Variants in CFI observed in about 807,000 individuals in gnomAD.
CFI encodes complement factor I.
In CFI, 66 loss-of-function variants were observed where a neutral mutation model predicts 78.8. The ratio of observed to expected loss-of-function variants is 0.84; its 90% CI spans 0.69 to 1.03. The LOEUF is 1.03. Among genes scored for constraint, CFI ranks in the 50% least tolerant of loss-of-function variants. CFI has a pLI of 0.00. For missense variants in CFI, 706 were observed against 704.5 expected, an observed-to-expected ratio of 1.00 and a Z score of -0.02; for synonymous variants, 250 against 232.6, an observed-to-expected ratio of 1.07 and a Z score of -0.68.
chr4:109,757,523 G>A (rs1466718651), intron 7 of CFI, among the ~76,000 whole-genome samples: 1 of 152,158 alleles, frequency 6.6e-6, no homozygotes, highest in Non-Finnish European at 1.5e-5. Flanking sequence ...AAGGTGAAAT[G>A]TGCAGGGAAG....
intron 1 of CFI, among the ~76,000 whole-genome samples, chr4:109,770,595 G>T (rs1365545317): frequency 7.1e-6 from 1 of 140,970 alleles, no homozygotes; most frequent in African/African-American, 2.6e-5. Flanking sequence ...CGCTTTACTG[G>T]TTTTGCCATT....
rs9991131 is a variant in CFI, at chr4:109,759,984, A to C, written c.883+286T>G. 6.4e-3 allele frequency: 3,432 copies of C among 538,448 alleles called. 86 individuals are homozygous for C. The highest frequency in any genetic ancestry group is 0.056 in the African/African-American group (2,975 of 52,774). The allele number at this position is 538,448 out of a possible 1,614,324, so 33.4% of individuals were successfully genotyped here. A position where few individuals can be genotyped will look rare whatever the true frequency, so the allele number is the denominator to read the frequency against. ...AGATAAGCAAGATTGGCAAACTATC[A>C]ATAACTTGCAGGTGGAAAATGGGTA... On this transcript the variant is annotated intron_variant, in intron 6 of 12. Coordinates refer to ENST00000394634, the MANE Select transcript of CFI (RefSeq NM_000204.5).
chr4:109,776,403 G>T (rs923938341), intron 1 of CFI, among the ~76,000 whole-genome samples: 1 of 152,166 alleles, frequency 6.6e-6, no homozygotes, highest in Non-Finnish European at 1.5e-5. Flanking sequence ...GAAATGAAGC[G>T]AGAAGAGACG....
At position 109,741,124 on chromosome 4, in the gene CFI, G is replaced by A; in HGVS notation, c.1535-14C>T. The A allele has an allele frequency of 6.2e-7, 1 of 1,613,834 alleles. No individual in the cohort carries two copies. The highest frequency in any genetic ancestry group is 8.5e-7 in the Non-Finnish European group (1 of 1,179,870). On this transcript the variant is annotated splice_polypyrimidine_tract_variant and intron_variant, in intron 12 of 12. Coordinates refer to ENST00000394634, the MANE Select transcript of CFI (RefSeq NM_000204.5). ...CATCATATGTACCTAAGAAAGAAAT[G>A]TGAAAGAGAAAATCACACATTTCCT... is the stretch of plus-strand genomic sequence containing the variant.
chr4:109,758,193 C>T (rs1726564685), intron 6 of CFI, among the ~76,000 whole-genome samples: 1 of 151,506 alleles, frequency 6.6e-6, no homozygotes, highest in African/African-American at 2.4e-5. Flanking sequence ...TGCAGTGGCT[C>T]ATGCCTGTAA....
intron 10 of CFI, among the ~76,000 whole-genome samples, chr4:109,748,584 A>G (rs1229310817): frequency 6.6e-6 from 1 of 152,184 alleles, no homozygotes; most frequent in Non-Finnish European, 1.5e-5. Flanking sequence ...GAAAAGGGTA[A>G]GGAAGATCAT....
chr4:109,770,628 G>T (rs1335630616), intron 1 of CFI, among the ~76,000 whole-genome samples: 1 of 106,202 alleles, frequency 9.4e-6, no homozygotes, highest in African/African-American at 3.7e-5. Context: ...TATGAACACA[G>T]ACCAGAAAAA....
intron 1 of CFI, among the ~76,000 whole-genome samples, chr4:109,772,424 A>G (rs1728718206): frequency 6.6e-6 from 1 of 152,252 alleles, no homozygotes; most frequent in African/African-American, 2.4e-5. Context: ...TGTTTTGAAT[A>G]TATGTAAATG....
chr4:109,770,404 A>G (rs1244665501), intron 1 of CFI, among the ~76,000 whole-genome samples: 1 of 151,982 alleles, frequency 6.6e-6, no homozygotes, highest in African/African-American at 2.4e-5. Flanking sequence ...TACTAAAAAT[A>G]CAAAAATTAG....
At chr4:109,782,196 C>T (rs1403261461) in intron 1 of CFI, among the ~76,000 whole-genome samples, 2 of 151,772 alleles carry the variant, frequency 1.3e-5, no homozygotes, top group Non-Finnish European at 3.0e-5. Flanking sequence ...ATTTCTTTCT[C>T]TTTATGGGCA....
At chr4:109,787,724 T>C (rs904863277) in intron 1 of CFI, among the ~76,000 whole-genome samples, 5 of 152,018 alleles carry the variant, frequency 3.3e-5, no homozygotes, top group Admixed American at 1.3e-4. Flanking sequence ...ATTTTTAGTC[T>C]CTCTAAAAAA....
rs1194127119 is a variant in CFI at position 109,761,507 on chromosome 4, C to A, written c.658+10G>T. The A allele has an allele frequency of 6.2e-7, 1 of 1,613,650 alleles. No homozygotes were observed. The highest frequency in any genetic ancestry group is 1.3e-5 in the African/African-American group (1 of 74,914). On this transcript the variant is annotated intron_variant, in intron 4 of 12. Coordinates refer to ENST00000394634, the MANE Select transcript of CFI (RefSeq NM_000204.5). Reference sequence around the variant, plus strand: ...AGGAAGGGAAAATAACAGGCAAATACTCCACCAACCTGCTTTCTGTGTATA... The same window carrying A: ...AGGAAGGGAAAATAACAGGCAAATAATCCACCAACCTGCTTTCTGTGTATA...
At chr4:109,756,927 A>AAGAAAGAAAGAAAGAAAG (rs1726309299) in intron 7 of CFI, among the ~76,000 whole-genome samples, 1 of 148,270 alleles carries the variant, frequency 6.7e-6, no homozygotes, top group African/African-American at 2.5e-5. Context: ...GAAAGAAAGA[A>AAGAAAGAAAGAAAGAAAG]AGAAAGAAAG....
At chr4:109,766,422 T>C (rs1256858626) in intron 2 of CFI, 132 bp downstream of exon 2, 1 of 958,462 alleles carries the variant, frequency 1.0e-6, no homozygotes, top group Non-Finnish European at 1.6e-6. Flanking sequence ...ACTCCAATTA[T>C]TATTGAGAGT....
At chr4:109,787,035 A>G (rs996695537) in intron 1 of CFI, among the ~76,000 whole-genome samples, 4 of 152,038 alleles carry the variant, frequency 2.6e-5, no homozygotes, top group African/African-American at 9.7e-5. Flanking sequence ...GCTAGCACAG[A>G]CATAAAAAGA....
chr4:109,757,074 G>C (rs928521220), intron 7 of CFI, among the ~76,000 whole-genome samples: 1 of 151,984 alleles, frequency 6.6e-6, no homozygotes, highest in African/African-American at 2.4e-5. Flanking sequence ...TGTCGCCCAG[G>C]CTGGAGTGCA....
intron 1 of CFI, among the ~76,000 whole-genome samples, chr4:109,801,218 G>T (rs1732733675): frequency 6.6e-6 from 1 of 152,090 alleles, no homozygotes; most frequent in Admixed American, 6.6e-5. Context: ...CTGATCAAAT[G>T]GATTCATTTA....
At chr4:109,748,600 G>T (rs1277565416) in intron 10 of CFI, among the ~76,000 whole-genome samples, 1 of 152,140 alleles carries the variant, frequency 6.6e-6, no homozygotes, top group Non-Finnish European at 1.5e-5. Context: ...ATCATTTCTG[G>T]CAGGGGAAAC....
At position 109,742,594 on chromosome 4, in the gene CFI, A is replaced by T. The variant is rs370686936; in HGVS notation, c.1431T>A (p.Asp477Glu). ...ACTGAAGTGAAAAGACTCTTTCGTT[A>T]TCTAAACAAAGTGAGAAAGCAAACA... The part of the protein sequence containing the change: ...CIVSGWGREK[D>E]NERVFSLQWG... The change falls in exon 12 of 13, where the codon GAT becomes GAA. Residue 477 changes from aspartate to glutamate, a missense_variant and splice_region_variant. Physicochemically the swap from Asp to Glu is conservative, Grantham distance 45 (BLOSUM62 2). Coordinates refer to ENST00000394634, the MANE Select transcript of CFI (RefSeq NM_000204.5). 1 of 1,588,002 alleles carries T rather than the reference A, an allele frequency of 6.3e-7. No homozygotes were observed. The highest frequency in any genetic ancestry group is 1.1e-5 in the South Asian group (1 of 90,574).
Sources: allele counts gnomAD v4.1 joint callset (sites outside exome capture counted in the v4.1 genomes callset), GRCh38; gene constraint gnomAD v4.1.1; transcripts MANE v1.5; gene names NCBI Gene and HGNC (gene_info 2026-07-23, HGNC 2026-07-21).